Variants in CFAP206 observed in about 807,000 individuals in gnomAD.
CFAP206 encodes the protein cilia- and flagella-associated protein 206.
A neutral mutation model predicts 65.4 loss-of-function variants in CFAP206; 53 were observed. That is an observed-to-expected ratio of 0.81 (90% confidence interval 0.65 to 1.02). The LOEUF is 1.02. Among genes scored for constraint, CFAP206 ranks in the 50% least tolerant of loss-of-function variants. The probability of loss-of-function intolerance (pLI) is 0.00; values close to 1 mark genes in which losing one functional copy is unlikely to be tolerated. For missense variants in CFAP206, 663 were observed against 753.2 expected (o/e 0.88, Z 1.40); for synonymous variants, 250 against 254.4 (o/e 0.98, Z 0.17).
At chr6:87,443,355 T>C (rs915646666) in intron 11 of CFAP206, among the ~76,000 whole-genome samples, 2 of 152,158 alleles carry the variant, frequency 1.3e-5, no homozygotes, top group African/African-American at 4.8e-5. Flanking sequence ...TTTATTTTGA[T>C]TAATCTTGCC....
chr6:87,433,998 G>A (rs958644252), intron 10 of CFAP206, among the ~76,000 whole-genome samples: 2 of 152,004 alleles, frequency 1.3e-5, no homozygotes, highest in East Asian at 3.9e-4. Flanking sequence ...TACTCAGGAG[G>A]CTGAGACAGG....
At chr6:87,437,847 T>TAG (rs2127953484) in intron 11 of CFAP206, among the ~76,000 whole-genome samples, 2 of 149,000 alleles carry the variant, frequency 1.3e-5, no homozygotes, top group African/African-American at 4.9e-5. Flanking sequence ...TTTTTTTTTT[T>TAG]TTTTAGTTTT....
chr6:87,408,172 G>C (rs1057449367), intron 1 of CFAP206, 83 bp downstream of exon 1: 1 of 647,060 alleles, frequency 1.5e-6, no homozygotes, highest in Non-Finnish European at 1.9e-6. Flanking sequence ...GCGGAGCTCG[G>C]GCGGCTGGAG....
intron 7 of CFAP206, among the ~76,000 whole-genome samples, chr6:87,424,361 C>A (rs1260791128): frequency 6.6e-6 from 1 of 152,042 alleles, no homozygotes; most frequent in Non-Finnish European, 1.5e-5. Context: ...CTCACTGCAA[C>A]CTCCGCCTCC....
Position 87,426,569 on chromosome 6 carries a change from AAC to A in CFAP206, c.886_887del (p.Gln296ValfsTer49). ...GCTCAAGAAGTGGAAATGATGACAA[AAC>A]AGTTAGGAGCCCATCTGGAACAACT... is the stretch of plus-strand genomic sequence containing the variant. On this transcript the variant is annotated frameshift_variant, in exon 8 of 13. Transcript: ENST00000369562. LOFTEE classifies it high-confidence loss of function. The A allele has an allele frequency of 6.2e-7, 1 of 1,601,366 alleles. No individual in the cohort carries two copies. The highest frequency in any genetic ancestry group is 8.5e-7 in the Non-Finnish European group (1 of 1,173,290).
chr6:87,416,565 T>G, intron 5 of CFAP206, 104 bp from the exon 6 acceptor site: 1 of 982,926 alleles, frequency 1.0e-6, no homozygotes, highest in Non-Finnish European at 1.5e-6. Context: ...ATCATATAAG[T>G]AACTCAGACC....
intron 11 of CFAP206, among the ~76,000 whole-genome samples, chr6:87,452,338 T>C (rs928475902): frequency 2.6e-5 from 4 of 152,194 alleles, no homozygotes; most frequent in Non-Finnish European, 5.9e-5. Context: ...CTTTGAATAC[T>C]TGGAAAGCCT....
chr6:87,415,016 A>G (rs1767801322), intron 4 of CFAP206, among the ~76,000 whole-genome samples: 1 of 152,178 alleles, frequency 6.6e-6, no homozygotes, highest in African/African-American at 2.4e-5. Context: ...TGTAATAGTA[A>G]TATGGGTTGT....
Position 87,435,012 on chromosome 6 carries a change from G to C in CFAP206, c.1453G>C (p.Glu485Gln). Residue 485 changes from glutamate to glutamine, a missense_variant, in exon 11 of 13, where the codon GAA (glutamate) becomes CAA (glutamine). By Grantham distance (29) the Glu-to-Gln change is conservative. Transcript: ENST00000369562. ...AAATACAGAGTTAATTCAACTATTG[G>C]AACTTCATCAACAGTTTGAAACATT... is the stretch of plus-strand genomic sequence containing the variant. ...KKNTELIQLL[E>Q]LHQQFETFIP... 1.9e-6 allele frequency: 3 copies of C among 1,607,562 alleles called. No homozygotes were observed. Among genetic ancestry groups the C allele is most frequent in the Non-Finnish European group, 2.5e-6 (3 of 1,176,884 alleles).
At chr6:87,462,064 C>T (rs988651635) in intron 12 of CFAP206, among the ~76,000 whole-genome samples, 1 of 152,114 alleles carries the variant, frequency 6.6e-6, no homozygotes, top group Non-Finnish European at 1.5e-5. Context: ...TGAGTTGGGG[C>T]AGAAGGGGCC....
chr6:87,454,962 G>A (rs889668829), intron 11 of CFAP206, among the ~76,000 whole-genome samples: 12 of 149,812 alleles, frequency 8.0e-5, no homozygotes, highest in South Asian at 2.1e-4. Flanking sequence ...TCCCTCTGTC[G>A]CCCAGCCTGG....
intron 7 of CFAP206, among the ~76,000 whole-genome samples, chr6:87,422,042 G>A (rs1007528614): frequency 1.3e-5 from 2 of 152,178 alleles, no homozygotes; most frequent in African/African-American, 2.4e-5. Context: ...GTAGGGGGAA[G>A]GGGAAGAAGA....
rs553034515 is a variant in CFAP206 at position 87,445,095 on chromosome 6, T to C, written c.1494+10042T>C. ...AATGGCTTTCTACGGTTCACCATCA[T>C]TTAGGGCTTCAGTGGCAGCCACTTT... is the stretch of plus-strand genomic sequence containing the variant. On this transcript the variant is annotated intron_variant, in intron 11 of 12. Coordinates refer to ENST00000369562, the MANE Select transcript of CFAP206 (RefSeq NM_001031743.3). 91 of 474,318 alleles carry C rather than the reference T, an allele frequency of 1.9e-4. 1 individual carries two copies. The East Asian group carries it at 5.2e-3, about 27-fold the overall frequency. 29.4% of individuals were successfully genotyped at this position (474,318 alleles called of 1,614,324 possible).
intron 10 of CFAP206, among the ~76,000 whole-genome samples, chr6:87,434,485 T>A (rs1768216883): frequency 6.8e-6 from 1 of 146,418 alleles, no homozygotes; most frequent in Non-Finnish European, 1.5e-5. Flanking sequence ...AGAGTAACAA[T>A]ATTTCTTTTT....
At chr6:87,460,961 AGTT>A in intron 11 of CFAP206, 58 bp from the exon 12 acceptor site, 1 of 1,407,488 alleles carries the variant, frequency 7.1e-7, no homozygotes, top group Non-Finnish European at 9.5e-7. Flanking sequence ...TAAATATTTT[AGTT>A]ATCAGTAAAT....
intron 6 of CFAP206, among the ~76,000 whole-genome samples, chr6:87,417,210 A>C (rs1057087435): frequency 3.3e-5 from 5 of 152,240 alleles, no homozygotes; most frequent in African/African-American, 1.2e-4. Flanking sequence ...AGTTAATGGA[A>C]TGAAAAGATC....
At chr6:87,447,920 C>T (rs1768470624) in intron 11 of CFAP206, among the ~76,000 whole-genome samples, 1 of 136,398 alleles carries the variant, frequency 7.3e-6, no homozygotes, top group African/African-American at 2.7e-5. Context: ...GTGTATGTGT[C>T]TAGGAATTTA....
intron 11 of CFAP206, among the ~76,000 whole-genome samples, chr6:87,440,119 C>T (rs564499332): frequency 1.3e-5 from 2 of 152,222 alleles, no homozygotes; most frequent in East Asian, 3.9e-4. Context: ...TTGAGTCTCC[C>T]TATCCAAAGC....
chr6:87,415,066 G>A (rs1439361992), intron 4 of CFAP206, among the ~76,000 whole-genome samples: 2 of 152,014 alleles, frequency 1.3e-5, no homozygotes, highest in Non-Finnish European at 2.9e-5. Context: ...CAACAACTCA[G>A]GGAACATAGT....
Sources: allele counts gnomAD v4.1 joint callset (sites outside exome capture counted in the v4.1 genomes callset), GRCh38; gene constraint gnomAD v4.1.1; transcripts MANE v1.5; gene names NCBI Gene and HGNC (gene_info 2026-07-23, HGNC 2026-07-21).